Variants in MCC observed in about 807,000 individuals in gnomAD.
MCC encodes the protein colorectal mutant cancer protein.
In MCC, 90 loss-of-function variants were observed where a neutral mutation model predicts 116.2. That is an observed-to-expected ratio of 0.77 (90% confidence interval 0.65 to 0.92). The LOEUF (loss-of-function observed/expected upper bound fraction) is 0.92. Among genes scored for constraint, MCC ranks in the 40% least tolerant of loss-of-function variants. MCC has a pLI of 0.00. For synonymous variants in MCC, 578 were observed against 510.5 expected, an observed-to-expected ratio of 1.13 and a Z score of -1.78; for missense variants, 1,516 against 1,312.2, an observed-to-expected ratio of 1.16 and a Z score of -2.40.
At chr5:113,035,860 A>G (rs1367119232) in intron 17 of MCC, among the ~76,000 whole-genome samples, 2 of 152,160 alleles carry the variant, frequency 1.3e-5, no homozygotes, top group East Asian at 3.8e-4. Flanking sequence ...CGTTTCCTTC[A>G]TGGTAATCAC....
intron 3 of MCC, among the ~76,000 whole-genome samples, chr5:113,169,707 C>T (rs1030678565): frequency 6.6e-6 from 1 of 152,136 alleles, no homozygotes; most frequent in African/African-American, 2.4e-5. Context: ...TCCCCAAGAG[C>T]AGTCACCTTT....
rs1289347366 is a variant in MCC, at chr5:113,025,265, T to C, written c.*2037A>G. ...CTGATTTTTTTTTTTTTGGGGCATATGTTTTTCAGCCAAAACATTTTCCTC... is the reference window on the plus strand; with the variant it reads ...CTGATTTTTTTTTTTTTGGGGCATACGTTTTTCAGCCAAAACATTTTCCTC... On this transcript the variant is annotated 3_prime_UTR_variant, in exon 19 of 19. Transcript: ENST00000408903. 6.6e-6 allele frequency: 1 copy of C among 151,434 alleles called. No homozygotes were observed. The highest frequency in any genetic ancestry group is 1.5e-5 in the Non-Finnish European group (1 of 67,878). 9.4% of individuals were successfully genotyped at this position (151,434 alleles called of 1,614,324 possible).
At chr5:113,376,574 T>TATATATACACACAC (rs10633405) in intron 2 of MCC, among the ~76,000 whole-genome samples, 7 of 145,772 alleles carry the variant, frequency 4.8e-5, no homozygotes, top group African/African-American at 1.3e-4. Context: ...CCATATTTTA[T>TATATATACACACAC]ACACACACAC....
chr5:113,347,228 A>G (rs955230471), intron 2 of MCC, among the ~76,000 whole-genome samples: 5 of 152,218 alleles, frequency 3.3e-5, no homozygotes, highest in African/African-American at 1.2e-4. Flanking sequence ...AACTACTCTT[A>G]TAAGTAGAAA....
chr5:113,027,582 T>C, intron 18 of MCC, 100 bp from the exon 19 acceptor site: 1 of 1,045,102 alleles, frequency 9.6e-7, no homozygotes, highest in Non-Finnish European at 1.4e-6. Context: ...AGCACTGCTC[T>C]GAAGAAAGAT....
rs73244760 is a variant in MCC, at chr5:113,233,892, G to C, written c.628-82470C>G. 1.1e-3 allele frequency among the ~76,000 whole-genome samples: 170 copies of C among 152,248 alleles called. 2 individuals are homozygous for C. Among genetic ancestry groups the C allele is most frequent in the African/African-American group, 3.6e-3 (149 of 41,538 alleles). On this transcript the variant is annotated intron_variant, in intron 3 of 18. Coordinates refer to ENST00000408903, the MANE Select transcript of MCC (RefSeq NM_001085377.2). The stretch of plus-strand genomic sequence containing the variant: ...AACTCTGTTCATCTGATCATTCTCT[G>C]CTCTTAAATGGAAAAGAACTCATAG...
At chr5:113,372,017 T>A (rs937989630) in intron 2 of MCC, among the ~76,000 whole-genome samples, 1 of 152,214 alleles carries the variant, frequency 6.6e-6, no homozygotes, top group African/African-American at 2.4e-5. Flanking sequence ...TGGAATGGCT[T>A]CAACATCCCA....
chr5:113,144,324 A>AAT (rs1446938220), intron 4 of MCC, among the ~76,000 whole-genome samples: 1 of 152,184 alleles, frequency 6.6e-6, no homozygotes, highest in Admixed American at 6.5e-5. Context: ...ATAATAATAA[A>AAT]ATACTCCTCA....
intron 1 of MCC, among the ~76,000 whole-genome samples, chr5:113,476,424 G>A (rs892343773): frequency 4.6e-5 from 7 of 152,144 alleles, no homozygotes; most frequent in African/African-American, 1.7e-4. Flanking sequence ...TGACAAGGGT[G>A]TCAAGAAAAT....
chr5:113,240,234 A>G (rs12188070), intron 3 of MCC, among the ~76,000 whole-genome samples: 16,407 of 152,030 alleles, frequency 0.11, 1,380 homozygotes, highest in Admixed American at 0.25. Context: ...TGAAAACTTG[A>G]CCCAATTAAA....
intron 3 of MCC, among the ~76,000 whole-genome samples, chr5:113,206,418 T>C (rs1291463759): frequency 6.6e-6 from 1 of 152,230 alleles, no homozygotes; most frequent in Non-Finnish European, 1.5e-5. Context: ...ATTTTCCAAA[T>C]ATTTAAATTT....
intron 3 of MCC, among the ~76,000 whole-genome samples, chr5:113,262,301 T>A (rs1007439855): frequency 2.6e-5 from 4 of 152,140 alleles, no homozygotes; most frequent in African/African-American, 7.2e-5. Context: ...ACTATCACAT[T>A]TGCTATCAGG....
rs1005315466 is a variant in MCC, at chr5:113,101,939, C to T, written c.1198G>A (p.Glu400Lys). ...EHCDLAIKTV[E>K]EIEGVLGRDL... ...CGGCCAAGCACCCCCTCAATCTCCT[C>T]GACTGTCTGTAAAACACAGCCCCAA... The change falls in exon 8 of 19, where the codon GAG (glutamate) becomes AAG (lysine). Residue 400 changes from glutamate to lysine, a missense_variant. Transcript: ENST00000408903. The T allele has an allele frequency of 5.0e-6, 8 of 1,613,684 alleles. No individual in the cohort carries two copies. The highest frequency in any genetic ancestry group is 1.7e-5 in the Admixed American group (1 of 59,934).
intron 2 of MCC, among the ~76,000 whole-genome samples, chr5:113,343,167 T>C (rs1768054089): frequency 1.3e-5 from 2 of 152,214 alleles, no homozygotes; most frequent in Non-Finnish European, 2.9e-5. Context: ...TTGATGAATT[T>C]AATCAATGTG....
intron 1 of MCC, among the ~76,000 whole-genome samples, chr5:113,429,284 A>C (rs1214795177): frequency 6.6e-6 from 1 of 152,006 alleles, no homozygotes; most frequent in Non-Finnish European, 1.5e-5. Flanking sequence ...AAAGAGAGAG[A>C]GAGAGAGAGA....
chr5:113,422,760 T>A (rs1268939552), intron 1 of MCC, among the ~76,000 whole-genome samples: 2 of 152,144 alleles, frequency 1.3e-5, no homozygotes, highest in South Asian at 2.1e-4. Context: ...TGACATGGCA[T>A]CGGAGATAAA....
chr5:113,294,665 C>A (rs1766652872), intron 3 of MCC: 2 of 1,067,372 alleles, frequency 1.9e-6, no homozygotes, highest in East Asian at 1.3e-4. Context: ...GGGACCCTCC[C>A]GCGCGCACCC....
intron 3 of MCC, among the ~76,000 whole-genome samples, chr5:113,230,722 G>A (rs139648023): frequency 6.6e-6 from 1 of 152,266 alleles, no homozygotes; most frequent in African/African-American, 2.4e-5. Flanking sequence ...AATATGTGGT[G>A]CAATGAGGAA....
At chr5:113,172,778 G>C (rs1425240410) in intron 3 of MCC, among the ~76,000 whole-genome samples, 1 of 152,166 alleles carries the variant, frequency 6.6e-6, no homozygotes, top group Non-Finnish European at 1.5e-5. Context: ...CAAGGCTTCT[G>C]ACTGTGAAAT....
Sources: gnomAD v4.1 joint callset for allele counts (sites outside exome capture counted in the v4.1 genomes callset) on GRCh38, gnomAD v4.1.1 for gene constraint, MANE v1.5 for transcripts, NCBI Gene and HGNC (gene_info 2026-07-23, HGNC 2026-07-21) for gene names.